The following ROBO2 variants were observed in gnomAD, a reference collection of about 807,000 sequenced individuals.
ROBO2 encodes roundabout guidance receptor 2.
In ROBO2, 53 loss-of-function variants were observed where a neutral mutation model predicts 160.8. The observed-to-expected ratio is 0.33, with a 90% CI of 0.26 to 0.41. The LOEUF (loss-of-function observed/expected upper bound fraction) is 0.41. Among genes scored for constraint, ROBO2 ranks in the 10% least tolerant of loss-of-function variants. The pLI, the probability that ROBO2 is intolerant of heterozygous loss-of-function variation, is 1.00. For missense variants in ROBO2, 1,577 were observed against 1,722.4 expected, an observed-to-expected ratio of 0.92 and a Z score of 1.49; for synonymous variants, 664 against 611.7, an observed-to-expected ratio of 1.09 and a Z score of -1.26.
At chr3:75,937,449 G>T (rs1559766567) in intron 1 of ROBO2, 1 of 1,217,380 alleles carries the variant, frequency 8.2e-7, no homozygotes, top group Non-Finnish European at 1.1e-6. Context: ...GTAATTTATT[G>T]TACTTTCACA....
At chr3:77,511,434 C>T (rs545841634) in intron 5 of ROBO2, among the ~76,000 whole-genome samples, 10 of 152,108 alleles carry the variant, frequency 6.6e-5, no homozygotes, top group African/African-American at 2.2e-4. Context: ...TCCTTGGCAT[C>T]GGTTCAAGTC....
At chr3:77,321,151 G>A (rs2153431332) in intron 2 of ROBO2, among the ~76,000 whole-genome samples, 1 of 152,214 alleles carries the variant, frequency 6.6e-6, no homozygotes, top group East Asian at 1.9e-4. Context: ...ATTTATCAAA[G>A]GAGTGTGAAG....
At chr3:76,562,760 T>G (rs1342881493) in intron 2 of ROBO2, among the ~76,000 whole-genome samples, 2 of 152,216 alleles carry the variant, frequency 1.3e-5, no homozygotes, top group Non-Finnish European at 2.9e-5. Context: ...ATGAGGTCTG[T>G]GACTAAAATA....
At chr3:76,169,688 A>G (rs556876886) in intron 2 of ROBO2, among the ~76,000 whole-genome samples, 1 of 152,280 alleles carries the variant, frequency 6.6e-6, no homozygotes, top group African/African-American at 2.4e-5. Flanking sequence ...ATCATAATTT[A>G]TTGATGTACA....
At chr3:77,055,866 C>T (rs1400312303) in intron 1 of ROBO2, among the ~76,000 whole-genome samples, 1 of 152,136 alleles carries the variant, frequency 6.6e-6, no homozygotes, top group Non-Finnish European at 1.5e-5. Flanking sequence ...ATAAGGTGAA[C>T]TTTGGCCAAA....
intron 2 of ROBO2, among the ~76,000 whole-genome samples, chr3:77,306,570 G>A (rs1451688988): frequency 6.6e-6 from 1 of 152,080 alleles, no homozygotes; most frequent in African/African-American, 2.4e-5. Context: ...TCTTAAAGAG[G>A]TAAGTTCACT....
intron 2 of ROBO2, among the ~76,000 whole-genome samples, chr3:77,250,942 G>T (rs2090272636): frequency 6.6e-6 from 1 of 152,286 alleles, no homozygotes; most frequent in Middle Eastern, 3.4e-3. Context: ...TGGAGATTAA[G>T]TTTCTATAAC....
intron 2 of ROBO2, among the ~76,000 whole-genome samples, chr3:76,745,499 A>T (rs1001991336): frequency 2.6e-5 from 4 of 152,146 alleles, no homozygotes; most frequent in African/African-American, 9.7e-5. Context: ...AGGTGAGAGA[A>T]CAATTTGTCT....
chr3:76,707,395 T>C (rs1441868609), intron 2 of ROBO2, among the ~76,000 whole-genome samples: 2 of 152,112 alleles, frequency 1.3e-5, no homozygotes, highest in East Asian at 3.9e-4. Context: ...TTACAATCAA[T>C]TAATACTCTA....
At chr3:77,584,028 C>T (rs1343607579) in intron 16 of ROBO2, among the ~76,000 whole-genome samples, 1 of 152,130 alleles carries the variant, frequency 6.6e-6, no homozygotes, top group Non-Finnish European at 1.5e-5. Flanking sequence ...TGAGCTTAAA[C>T]CTGTGCTTTC....
At chr3:76,868,088 C>T (rs1358060308) in intron 2 of ROBO2, among the ~76,000 whole-genome samples, 1 of 152,162 alleles carries the variant, frequency 6.6e-6, no homozygotes, top group Admixed American at 6.5e-5. Context: ...TATGATAGTA[C>T]ACATTTTCAT....
chr3:77,156,237 G>T (rs951701033), intron 2 of ROBO2, among the ~76,000 whole-genome samples: 1 of 152,000 alleles, frequency 6.6e-6, no homozygotes, highest in Non-Finnish European at 1.5e-5. Context: ...TTTCTGTACT[G>T]GTTGAGAAGG....
intron 2 of ROBO2, among the ~76,000 whole-genome samples, chr3:76,310,766 T>C (rs544570739): frequency 4.3e-4 from 65 of 152,306 alleles, no homozygotes; most frequent in Non-Finnish European, 7.2e-4. Flanking sequence ...GCGTTATCCG[T>C]GGCGGTTCCT....
rs1453189461 is a variant in ROBO2, at chr3:76,037,588, A to G, written c.109+99986A>G. ...CTTCAATCATACTGCTTTACTCAGT[A>G]CATACATACATAAAATGTTTTCTGT... On this transcript the variant is annotated intron_variant, in intron 2 of 26. Transcript: ENST00000487694. 3.3e-5 allele frequency among the ~76,000 whole-genome samples: 5 copies of G among 152,152 alleles called. No homozygotes were observed. The South Asian group carries it at 1.0e-3, about 32-fold the overall frequency.
chr3:76,647,206 G>A (rs984508802), intron 2 of ROBO2, among the ~76,000 whole-genome samples: 1 of 152,152 alleles, frequency 6.6e-6, no homozygotes, highest in Non-Finnish European at 1.5e-5. Context: ...GTGTCTCTGA[G>A]GGGGGCTATG....
chr3:76,840,624 T>C (rs2068145184), intron 2 of ROBO2, among the ~76,000 whole-genome samples: 2 of 123,540 alleles, frequency 1.6e-5, no homozygotes, highest in Non-Finnish European at 3.3e-5. Flanking sequence ...AAAAAAATTA[T>C]ATATATATAT....
intron 2 of ROBO2, among the ~76,000 whole-genome samples, chr3:76,108,974 A>G (rs539481792): frequency 3.3e-5 from 5 of 151,688 alleles, no homozygotes; most frequent in Non-Finnish European, 7.4e-5. Flanking sequence ...TTTTTATTAC[A>G]CGTATATGCT....
intron 2 of ROBO2, among the ~76,000 whole-genome samples, chr3:77,418,630 G>A (rs1004846113): frequency 2.6e-5 from 4 of 151,954 alleles, no homozygotes; most frequent in African/African-American, 4.8e-5. Context: ...ATGACAGATC[G>A]CTTACCCAAA....
intron 2 of ROBO2, among the ~76,000 whole-genome samples, chr3:77,345,583 T>C (rs1409893717): frequency 1.3e-5 from 2 of 152,188 alleles, no homozygotes; most frequent in Non-Finnish European, 2.9e-5. Flanking sequence ...TGTTTTCAAC[T>C]CATAACTCAC....
Sources: allele counts gnomAD v4.1 joint callset (sites outside exome capture counted in the v4.1 genomes callset), GRCh38; gene constraint gnomAD v4.1.1; transcripts MANE v1.5; gene names NCBI Gene and HGNC (gene_info 2026-07-23, HGNC 2026-07-21).